ZC4H2: variants seen among roughly 807,000 people sequenced by gnomAD.
The protein encoded by ZC4H2 is zinc finger C4H2 domain-containing protein.
For synonymous variants in ZC4H2, 84 were observed against 66.3 expected, an observed-to-expected ratio of 1.27 and a Z score of -1.30; for missense variants, 137 against 173.9, an observed-to-expected ratio of 0.79 and a Z score of 1.19.
intron 1 of ZC4H2, among the ~76,000 whole-genome samples, chrX:64,931,084 T>A (rs1293008561): frequency 8.9e-6 from 1 of 112,002 alleles, no homozygotes; most frequent in Non-Finnish European, 1.9e-5. Flanking sequence ...TGATTTAATC[T>A]AGGAGGCTTG....
intron 1 of ZC4H2, among the ~76,000 whole-genome samples, chrX:64,964,308 A>G (rs961831773): frequency 6.3e-5 from 7 of 111,408 alleles, no homozygotes; most frequent in Admixed American, 3.8e-4. Flanking sequence ...TGAAGAATAA[A>G]TGGCCAAAAA....
chrX:65,010,976 T>A (rs1157146915), intron 1 of ZC4H2, among the ~76,000 whole-genome samples: 1 of 112,079 alleles, frequency 8.9e-6, no homozygotes, highest in East Asian at 2.8e-4. Flanking sequence ...ATAACCTCTT[T>A]GGTGAATTAG....
chrX:64,955,991 A>C (rs750450306), intron 1 of ZC4H2, among the ~76,000 whole-genome samples: 6 of 111,645 alleles, frequency 5.4e-5, no homozygotes, highest in Non-Finnish European at 7.5e-5. Flanking sequence ...CATTTGTTAG[A>C]TCTTTCTTCC....
intron 1 of ZC4H2, among the ~76,000 whole-genome samples, chrX:64,985,825 C>A (rs1160754820): frequency 8.9e-6 from 1 of 111,802 alleles, no homozygotes; most frequent in East Asian, 2.8e-4. Flanking sequence ...CTCCTCTAAG[C>A]CATCACATTT....
intron 1 of ZC4H2, among the ~76,000 whole-genome samples, chrX:64,973,291 T>C (rs1198590177): frequency 9.0e-6 from 1 of 110,956 alleles, no homozygotes; most frequent in Non-Finnish European, 1.9e-5. Context: ...TTCATATTGA[T>C]TTATTTATAA....
chrX:65,002,665 C>T (rs1436078914), intron 1 of ZC4H2, among the ~76,000 whole-genome samples: 8 of 110,997 alleles, frequency 7.2e-5, no homozygotes, highest in African/African-American at 2.0e-4. Context: ...GTTGCTGTGT[C>T]TGTGTAGAAA....
At chrX:65,032,431 A>G (rs1164090600) in intron 1 of ZC4H2, among the ~76,000 whole-genome samples, 2 of 111,976 alleles carry the variant, frequency 1.8e-5, no homozygotes, top group Non-Finnish European at 3.8e-5. Flanking sequence ...TTTTCCTTAG[A>G]ACCTGAAAGG....
rs144564689 is a variant in ZC4H2, at chrX:64,924,364, T to C, written c.54-2376A>G. Among the ~76,000 whole-genome samples the C allele has an allele frequency of 2.0e-3, 223 of 112,449 alleles. 3 individuals carry two copies. The East Asian group carries it at 0.049, about 25-fold the overall frequency. On this transcript the variant is annotated intron_variant, in intron 1 of 4. Coordinates refer to ENST00000374839, the MANE Select transcript of ZC4H2 (RefSeq NM_018684.4). ...AGGGTTTCAATATATATTCAGTCAA[T>C]AATTATTTATTGAATACTTATCATG...
intron 1 of ZC4H2, among the ~76,000 whole-genome samples, chrX:64,962,194 A>G (rs892059746): frequency 2.7e-5 from 3 of 111,687 alleles, no homozygotes; most frequent in Non-Finnish European, 5.7e-5. Context: ...TTAACAGCAC[A>G]TTAAAAGTAT....
intron 1 of ZC4H2, among the ~76,000 whole-genome samples, chrX:64,988,473 C>A (rs1050129908): frequency 3.6e-5 from 4 of 111,839 alleles, no homozygotes; most frequent in Non-Finnish European, 7.5e-5. Context: ...ATTTGCATTT[C>A]TCTGATGGCC....
At chrX:64,970,097 TA>T (rs1188205960) in intron 1 of ZC4H2, among the ~76,000 whole-genome samples, 1 of 111,906 alleles carries the variant, frequency 8.9e-6, no homozygotes, top group African/African-American at 3.3e-5. Context: ...TTATGCTCAG[TA>T]AATGTCACTG....
intron 1 of ZC4H2, among the ~76,000 whole-genome samples, chrX:64,959,916 C>T (rs746785163): frequency 9.0e-6 from 1 of 111,103 alleles, no homozygotes; most frequent in South Asian, 3.8e-4. Context: ...TCTTTTGAAA[C>T]CATATTTGAG....
intron 1 of ZC4H2, among the ~76,000 whole-genome samples, chrX:65,025,779 CA>C (rs1569233694): frequency 3.6e-5 from 4 of 112,120 alleles, no homozygotes; most frequent in Admixed American, 9.5e-5. Flanking sequence ...CTCTAAATAC[CA>C]GCTGCAACTC....
At chrX:64,940,987 G>A (rs780644453) in intron 1 of ZC4H2, among the ~76,000 whole-genome samples, 1 of 111,898 alleles carries the variant, frequency 8.9e-6, no homozygotes, top group East Asian at 2.8e-4. Flanking sequence ...ATTACTTTGG[G>A]CAGTATGGTC....
chrX:64,985,750 C>T (rs1932171718), intron 1 of ZC4H2, among the ~76,000 whole-genome samples: 1 of 111,635 alleles, frequency 9.0e-6, no homozygotes, highest in Non-Finnish European at 1.9e-5. Context: ...GTTGCAGGCA[C>T]CGTTAGAAAC....
At chrX:64,956,997 G>C (rs1428719998) in intron 1 of ZC4H2, among the ~76,000 whole-genome samples, 1 of 112,044 alleles carries the variant, frequency 8.9e-6, no homozygotes, top group Non-Finnish European at 1.9e-5. Flanking sequence ...AATTGTTAAA[G>C]CCAACTAAAT....
intron 1 of ZC4H2, among the ~76,000 whole-genome samples, chrX:64,961,662 T>C (rs1931396378): frequency 9.1e-6 from 1 of 110,186 alleles, no homozygotes; most frequent in Non-Finnish European, 1.9e-5. Flanking sequence ...ATAAACAAAA[T>C]TGACAAATCT....
chrX:65,029,433 C>G (rs755064540), intron 1 of ZC4H2, among the ~76,000 whole-genome samples: 1 of 111,566 alleles, frequency 9.0e-6, no homozygotes, highest in African/African-American at 3.3e-5. Flanking sequence ...AAGATAACCA[C>G]TTTTGAGACC....
chrX:64,981,138 G>A (rs1331120249), upstream of ZC4H2, among the ~76,000 whole-genome samples: 2 of 111,082 alleles, frequency 1.8e-5, no homozygotes, highest in Non-Finnish European at 3.8e-5. Flanking sequence ...GTAGGGCTCT[G>A]GCTGATTAAG....
Sources: gnomAD v4.1 joint callset for allele counts (sites outside exome capture counted in the v4.1 genomes callset) on GRCh38, gnomAD v4.1.1 for gene constraint, MANE v1.5 for transcripts, NCBI Gene and HGNC (gene_info 2026-07-23, HGNC 2026-07-21) for gene names.